Variants in DIP2C observed in about 807,000 individuals in gnomAD.
The protein encoded by DIP2C is DIP2 acetate--CoA ligase C (putative).
Under a neutral mutation model 192.4 loss-of-function variants are expected in DIP2C, and 33 were observed. That is an observed-to-expected ratio of 0.17 (90% CI 0.13 to 0.23). The LOEUF is 0.23. Among genes scored for constraint, DIP2C ranks in the 10% least tolerant of loss-of-function variants. DIP2C has a pLI of 1.00. For missense variants in DIP2C, 1,537 were observed against 2,110.1 expected (o/e 0.73, Z 5.32); for synonymous variants, 979 against 864.1 (o/e 1.13, Z -2.33).
At chr10:293,377 G>A (rs982999029) in intron 32 of DIP2C, among the ~76,000 whole-genome samples, 9 of 152,250 alleles carry the variant, frequency 5.9e-5, no homozygotes, top group Admixed American at 3.3e-4. Context: ...CACGCTCACC[G>A]TGTGAGGATG....
intron 4 of DIP2C, among the ~76,000 whole-genome samples, chr10:428,560 A>T (rs916893501): frequency 6.6e-6 from 1 of 151,954 alleles, no homozygotes; most frequent in African/African-American, 2.4e-5. Flanking sequence ...TTTTCTTCGG[A>T]GTCCTTTCAG....
At chr10:290,440 C>T (rs1263045180) in intron 32 of DIP2C, among the ~76,000 whole-genome samples, 1 of 152,242 alleles carries the variant, frequency 6.6e-6, no homozygotes, top group Non-Finnish European at 1.5e-5. Context: ...AATGTGCTCT[C>T]CTCTGGACAC....
chr10:329,340 A>G, intron 30 of DIP2C, 93 bp downstream of exon 30: 1 of 1,315,972 alleles, frequency 7.6e-7, no homozygotes, highest in Middle Eastern at 2.1e-4. Context: ...GTTTTGGAGG[A>G]CTGTTTTAAC....
At chr10:440,764 A>G (rs1967659574) in intron 4 of DIP2C, 107 bp downstream of exon 4, 1 of 1,469,626 alleles carries the variant, frequency 6.8e-7, no homozygotes, top group Non-Finnish European at 9.0e-7. Context: ...CAAAATCTGC[A>G]TTACTGCTTC....
intron 2 of DIP2C, among the ~76,000 whole-genome samples, chr10:485,143 T>C (rs1395096558): frequency 6.6e-6 from 1 of 152,220 alleles, no homozygotes. Context: ...AGAACCGTCC[T>C]GGCAAGCGAG....
intron 36 of DIP2C, among the ~76,000 whole-genome samples, chr10:279,262 C>T (rs754918789): frequency 1.2e-4 from 19 of 152,132 alleles, no homozygotes; most frequent in Non-Finnish European, 2.5e-4. Context: ...TGTGAGCCCA[C>T]ATTGTGAATC....
intron 23 of DIP2C, 114 bp downstream of exon 23, chr10:357,714 G>A (rs1465500033): frequency 3.9e-5 from 29 of 747,942 alleles, no homozygotes; most frequent in Middle Eastern, 4.0e-4. Flanking sequence ...ACACTGTCGC[G>A]GACTGTCAGG....
chr10:646,281 CT>C lies in DIP2C; in HGVS notation c.85+43212del, dbSNP rs371142256. Among the ~76,000 whole-genome samples the C allele has an allele frequency of 3.3e-3, 500 of 152,284 alleles. 1 individual carries two copies. The highest frequency in any genetic ancestry group is 0.014 in the Middle Eastern group (4 of 294). On this transcript the variant is annotated intron_variant, in intron 1 of 36. Coordinates refer to ENST00000280886, the MANE Select transcript of DIP2C (RefSeq NM_014974.3). ...CCCGTGCCCCCCGCACCCTGTCCCC[CT>C]GTGCAGGTACTGGAGCTGCTGTCCA...
At chr10:656,893 T>C (rs941662644) in intron 1 of DIP2C, among the ~76,000 whole-genome samples, 1 of 152,232 alleles carries the variant, frequency 6.6e-6, no homozygotes, top group East Asian at 1.9e-4. Flanking sequence ...ACAAAGAGCA[T>C]GGAACTTTGC....
At chr10:585,930 C>T (rs1207520440) in intron 1 of DIP2C, among the ~76,000 whole-genome samples, 2 of 152,158 alleles carry the variant, frequency 1.3e-5, no homozygotes, top group East Asian at 3.8e-4. Context: ...TGTTTTGCAG[C>T]AAATATATCC....
chr10:277,537 C>G lies in DIP2C; in HGVS notation c.4459G>C (p.Glu1487Gln). 1 of 1,614,136 alleles carries G rather than the reference C, an allele frequency of 6.2e-7. No individual in the cohort carries two copies. The highest frequency in any genetic ancestry group is 8.5e-7 in the Non-Finnish European group (1 of 1,180,050). The stretch of plus-strand genomic sequence containing the variant: ...GCTTCTTGTTCCGACCCATCCAGCT[C>G]AACCACAACCACCAACAAATTTGTC... ...TWTNLLVVVV[E>Q]LDGSEQEALD... The change falls in exon 37 of 37, where the codon GAG (glutamate) becomes CAG (glutamine). Residue 1487 changes from glutamate (E) to glutamine (Q), a missense_variant. Around this residue, in one of 4 missense-constraint regions of DIP2C, gnomAD observed 341 missense variants for 551.7 expected, o/e 0.62. Transcript: ENST00000280886.
At chr10:503,048 TACC>T in intron 1 of DIP2C, among the ~76,000 whole-genome samples, 1 of 151,506 alleles carries the variant, frequency 6.6e-6, no homozygotes. Flanking sequence ...CCTGCGGACT[TACC>T]ACAATTCCAA....
intron 1 of DIP2C, among the ~76,000 whole-genome samples, chr10:649,597 C>G (rs1164925596): frequency 2.0e-5 from 3 of 152,216 alleles, no homozygotes; most frequent in East Asian, 3.8e-4. Context: ...CCCAATAATT[C>G]TAAGACTCAG....
intron 29 of DIP2C, among the ~76,000 whole-genome samples, chr10:336,898 GTGTGTGT>G (rs1467818367): frequency 4.9e-4 from 49 of 100,338 alleles, no homozygotes; most frequent in Non-Finnish European, 9.6e-4. Flanking sequence ...CTAGGCAGGT[GTGTGTGT>G]GTGTGTGTGT....
At chr10:559,343 C>G (rs898526954) in intron 1 of DIP2C, among the ~76,000 whole-genome samples, 1 of 152,108 alleles carries the variant, frequency 6.6e-6, no homozygotes. Flanking sequence ...GGGGGAACGC[C>G]GGGGGAAGCC....
chr10:578,234 G>A (rs1270388569), intron 1 of DIP2C, among the ~76,000 whole-genome samples: 1 of 152,160 alleles, frequency 6.6e-6, no homozygotes, highest in Admixed American at 6.5e-5. Context: ...TACTGCATTT[G>A]TCATGAACTG....
chr10:479,602 G>A (rs1843434865), intron 2 of DIP2C, among the ~76,000 whole-genome samples: 3 of 152,062 alleles, frequency 2.0e-5, no homozygotes, highest in Non-Finnish European at 2.9e-5. Context: ...CCAAAGTGCT[G>A]GAATTATAGG....
chr10:340,362 AG>A (rs1049306692), intron 29 of DIP2C, among the ~76,000 whole-genome samples: 216 of 151,438 alleles, frequency 1.4e-3, no homozygotes, highest in African/African-American at 3.1e-3. Flanking sequence ...TTAAAAAAAA[AG>A]GGGGGAAAGC....
At chr10:458,816 A>C (rs9419533) in intron 3 of DIP2C, among the ~76,000 whole-genome samples, 129,559 of 151,394 alleles carry the variant, frequency 0.86, 57,764 homozygotes, top group Non-Finnish European at 0.97. Context: ...TACATTCCTG[A>C]CTCACCGGCA....
Sources: allele counts gnomAD v4.1 joint callset (sites outside exome capture counted in the v4.1 genomes callset), GRCh38; gene constraint gnomAD v4.1.1; regional missense constraint gnomAD v4.1.1; transcripts MANE v1.5; gene names NCBI Gene and HGNC (gene_info 2026-07-23, HGNC 2026-07-21).